Variants in POLR3B observed in about 807,000 individuals in gnomAD.
POLR3B encodes RNA polymerase III subunit B.
POLR3B carries 96 observed loss-of-function variants against 147.4 expected under a neutral mutation model. The observed-to-expected ratio is 0.65, with a 90% CI of 0.55 to 0.77. POLR3B has a LOEUF of 0.77. Ranked by LOEUF, POLR3B falls within the 30% of genes least tolerant of loss-of-function variation. The pLI, the probability that POLR3B is intolerant of heterozygous loss-of-function variation, is 0.00. For missense variants in POLR3B, 1,036 were observed against 1,413.5 expected, an observed-to-expected ratio of 0.73 and a Z score of 4.28; for synonymous variants, 461 against 485.9, an observed-to-expected ratio of 0.95 and a Z score of 0.67.
intron 10 of POLR3B, among the ~76,000 whole-genome samples, chr12:106,403,975 TA>T (rs1033680098): frequency 6.6e-6 from 1 of 151,718 alleles, no homozygotes; most frequent in Admixed American, 6.6e-5. Flanking sequence ...AATAAAATTT[TA>T]AAAAAAAGAA....
At chr12:106,392,820 A>G (rs2036929043) in intron 9 of POLR3B, among the ~76,000 whole-genome samples, 1 of 152,218 alleles carries the variant, frequency 6.6e-6, no homozygotes, top group African/African-American at 2.4e-5. Context: ...AATGTTTGAG[A>G]ATGTTTGTTT....
intron 12 of POLR3B, among the ~76,000 whole-genome samples, chr12:106,417,439 A>G (rs915733704): frequency 6.6e-6 from 1 of 152,164 alleles, no homozygotes; most frequent in Admixed American, 6.6e-5. Flanking sequence ...GCAGAAGACC[A>G]TTGAAGAGTT....
intron 23 of POLR3B, among the ~76,000 whole-genome samples, chr12:106,477,253 A>T (rs1350367100): frequency 1.0e-5 from 1 of 99,830 alleles, no homozygotes; most frequent in Non-Finnish European, 1.9e-5. Context: ...GTGCTGGGAG[A>T]ACCACTGCTC....
chr12:106,437,181 T>A (rs764700205), intron 17 of POLR3B, 50 bp downstream of exon 17: 1 of 1,173,388 alleles, frequency 8.5e-7, no homozygotes, highest in East Asian at 2.4e-5. Flanking sequence ...CCCACATACA[T>A]GATTTAAGAA....
At chr12:106,361,242 C>T (rs1453057278) in intron 1 of POLR3B, among the ~76,000 whole-genome samples, 1 of 152,156 alleles carries the variant, frequency 6.6e-6, no homozygotes, top group Non-Finnish European at 1.5e-5. Context: ...AGGGCCTCAA[C>T]TGGCACAGGA....
chr12:106,385,833 A>G (rs2036828662), intron 9 of POLR3B, among the ~76,000 whole-genome samples: 1 of 152,226 alleles, frequency 6.6e-6, no homozygotes, highest in African/African-American at 2.4e-5. Flanking sequence ...AGTTCTATAA[A>G]TGAGATGGAG....
At position 106,437,686 on chromosome 12, in the gene POLR3B, T is replaced by C; in HGVS notation, c.1862T>C (p.Phe621Ser). 6.4e-7 allele frequency: 1 copy of C among 1,574,446 alleles called. No individual in the cohort carries two copies. Among genetic ancestry groups the C allele is most frequent in the Non-Finnish European group, 8.7e-7 (1 of 1,144,188 alleles). The change falls in exon 18 of 28, where the codon TTT (phenylalanine) becomes TCT (serine). Residue 621 changes from phenylalanine to serine, a missense_variant. Physicochemically the swap from Phe to Ser is radical, Grantham distance 155. Around this residue, in one of 12 missense-constraint regions of POLR3B, gnomAD observed 177 missense variants for 232.7 expected, o/e 0.76. Coordinates refer to ENST00000228347, the MANE Select transcript of POLR3B (RefSeq NM_018082.6). ...MEELAQGYRNFEDFLHESLVE... is the reference protein window; with the variant it reads ...MEELAQGYRNSEDFLHESLVE... The stretch of plus-strand genomic sequence containing the variant: ...TTTCACCAATATTTTCCCAGGAATT[T>C]TGAAGATTTCTTACATGAGAGTCTG...
At chr12:106,502,040 T>C (rs2038611057) in intron 26 of POLR3B, among the ~76,000 whole-genome samples, 1 of 152,216 alleles carries the variant, frequency 6.6e-6, no homozygotes, top group African/African-American at 2.4e-5. Flanking sequence ...CACATGTTCT[T>C]AGTGCTACTT....
intron 13 of POLR3B, among the ~76,000 whole-genome samples, chr12:106,429,103 C>A (rs1236580883): frequency 6.6e-6 from 1 of 152,190 alleles, no homozygotes; most frequent in African/African-American, 2.4e-5. Context: ...AATGAAGAAC[C>A]ATGGCAGGTG....
chr12:106,365,874 T>A (rs1177357027), intron 2 of POLR3B, among the ~76,000 whole-genome samples: 22 of 81,976 alleles, frequency 2.7e-4, no homozygotes, highest in East Asian at 2.3e-3. Context: ...AAAAAAAAAA[T>A]TTTTTTTTTG....
chr12:106,380,209 G>T, intron 9 of POLR3B, 70 bp downstream of exon 9: 1 of 855,926 alleles, frequency 1.2e-6, no homozygotes, highest in Non-Finnish European at 2.0e-6. Context: ...TGTAATTAGA[G>T]ATTTGGAGGG....
At chr12:106,446,794 G>T (rs1473513414) in intron 19 of POLR3B, among the ~76,000 whole-genome samples, 1 of 152,156 alleles carries the variant, frequency 6.6e-6, no homozygotes, top group East Asian at 1.9e-4. Flanking sequence ...CACCTGACTG[G>T]AAAGAAAAGC....
chr12:106,444,354 G>T, intron 18 of POLR3B, 109 bp from the exon 19 acceptor site: 4 of 1,004,982 alleles, frequency 4.0e-6, no homozygotes, highest in East Asian at 2.4e-5. Context: ...AAATTTTATT[G>T]ACATATAAAT....
At chr12:106,393,491 TTG>T (rs71072674) in intron 10 of POLR3B, among the ~76,000 whole-genome samples, 3,154 of 141,364 alleles carry the variant, frequency 0.022, 57 homozygotes, top group African/African-American at 0.05. Context: ...TGTACAGGTT[TTG>T]TGTGTGTGTG....
At position 106,357,962 on chromosome 12, in the gene POLR3B, G is replaced by C. The variant is rs750498877; in HGVS notation, c.72+11G>C. The stretch of plus-strand genomic sequence containing the variant: ...ATCCCGACTGTAGAGGTCAGTGCCA[G>C]GCACGCAGGGAGCGTCAGGGACAAG... On this transcript the variant is annotated intron_variant, in intron 1 of 27. Transcript: ENST00000228347. The C allele has an allele frequency of 6.2e-7, 1 of 1,611,900 alleles. No homozygotes were observed. The highest frequency in any genetic ancestry group is 2.2e-5 in the East Asian group (1 of 44,852).
chr12:106,465,771 G>A (rs941090830), intron 23 of POLR3B, among the ~76,000 whole-genome samples: 11 of 152,090 alleles, frequency 7.2e-5, no homozygotes, highest in African/African-American at 2.4e-4. Flanking sequence ...CTTCATCCAC[G>A]TCCCTGCAAA....
intron 13 of POLR3B, 104 bp from the exon 14 acceptor site, chr12:106,430,169 C>A: frequency 1.2e-6 from 1 of 830,964 alleles, no homozygotes; most frequent in Non-Finnish European, 2.1e-6. Context: ...GTTCTAATTT[C>A]GTAAGCATGA....
chr12:106,430,853 T>G (rs1288010501), intron 14 of POLR3B, among the ~76,000 whole-genome samples: 1 of 152,146 alleles, frequency 6.6e-6, no homozygotes, highest in East Asian at 1.9e-4. Flanking sequence ...TTAGGTAGGC[T>G]CAGTCACAGC....
intron 14 of POLR3B, among the ~76,000 whole-genome samples, 198 bp downstream of exon 14, chr12:106,430,671 A>T (rs531265100): frequency 3.3e-5 from 5 of 152,218 alleles, no homozygotes; most frequent in African/African-American, 4.8e-5. Flanking sequence ...CTGCAGAAGC[A>T]TTTGATTCAG....
Sources: gnomAD v4.1 joint callset for allele counts (sites outside exome capture counted in the v4.1 genomes callset) on GRCh38, gnomAD v4.1.1 for gene constraint, gnomAD v4.1.1 regional missense constraint, MANE v1.5 for transcripts, NCBI Gene and HGNC (gene_info 2026-07-23, HGNC 2026-07-21) for gene names.